The following RASSF3 variants were observed in gnomAD, a reference collection of about 807,000 sequenced individuals.
RASSF3 encodes the protein ras association domain-containing protein 3.
Under a neutral mutation model 19.9 loss-of-function variants are expected in RASSF3, and 19 were observed. That is an observed-to-expected ratio of 0.96 (90% CI 0.67 to 1.40). The LOEUF (loss-of-function observed/expected upper bound fraction) is 1.40, where lower values mean the gene tolerates loss of function less well. Among genes scored for constraint, RASSF3 ranks in the 40% most tolerant of loss-of-function variants. The pLI is 0.00. For synonymous variants in RASSF3, 110 were observed against 104.2 expected (o/e 1.06, Z -0.34); for missense variants, 306 against 289.8 (o/e 1.06, Z -0.41).
At position 64,555,926 on chromosome 12, in the gene RASSF3, T is replaced by C. The variant is rs149855338; in HGVS notation, c.294+14221T>C. ...AAAAAGTCTCCCCCTTAAAATAGAT[T>C]AATGAGGCTTCAGGATACACCTCTG... On this transcript the variant is annotated intron_variant, in intron 2 of 5. Coordinates refer to the RASSF3 transcript ENST00000637125. Among the ~76,000 whole-genome samples the C allele has an allele frequency of 5.6e-3, 857 of 152,072 alleles. 6 individuals are homozygous for C. Among genetic ancestry groups the C allele is most frequent in the Non-Finnish European group, 9.9e-3 (671 of 67,958 alleles).
chr12:64,647,293 G>C (rs2136187837), intron 1 of RASSF3, among the ~76,000 whole-genome samples: 1 of 152,048 alleles, frequency 6.6e-6, no homozygotes, highest in Non-Finnish European at 1.5e-5. Context: ...CTGTCACCAA[G>C]ACTGGAGTGC....
intron 1 of RASSF3, among the ~76,000 whole-genome samples, chr12:64,674,042 A>G (rs1872793129): frequency 6.6e-6 from 1 of 152,120 alleles, no homozygotes; most frequent in African/African-American, 2.4e-5. Context: ...AGCTCTTTTA[A>G]TGTGTATCAC....
At chr12:64,567,713 C>G (rs565672261) in intron 2 of RASSF3, among the ~76,000 whole-genome samples, 39 of 152,368 alleles carry the variant, frequency 2.6e-4, no homozygotes, top group African/African-American at 8.9e-4. Flanking sequence ...TGCTAACGTC[C>G]TGTTCCCTGA....
At chr12:64,652,214 T>A (rs1871981562) in intron 1 of RASSF3, among the ~76,000 whole-genome samples, 2 of 152,170 alleles carry the variant, frequency 1.3e-5, no homozygotes, top group Non-Finnish European at 1.5e-5. Context: ...ACATTGTAGT[T>A]TTACATTGCT....
At chr12:64,641,199 C>T (rs992799876) in intron 1 of RASSF3, among the ~76,000 whole-genome samples, 1 of 151,338 alleles carries the variant, frequency 6.6e-6, no homozygotes, top group East Asian at 2.0e-4. Context: ...AGTTGGAGAC[C>T]AGCCTGGGCA....
intron 3 of RASSF3, among the ~76,000 whole-genome samples, chr12:64,689,170 T>C (rs745743127): frequency 6.6e-6 from 1 of 151,714 alleles, no homozygotes; most frequent in Non-Finnish European, 1.5e-5. Flanking sequence ...ATTGATAACA[T>C]TGGTGGACAG....
At chr12:64,665,860 G>A (rs1410428313) in intron 1 of RASSF3, among the ~76,000 whole-genome samples, 1 of 152,198 alleles carries the variant, frequency 6.6e-6, no homozygotes, top group Non-Finnish European at 1.5e-5. Context: ...TTCCTGGGCT[G>A]AGCCCCAGTT....
chr12:64,544,428 G>A (rs372316014), downstream of RASSF3, among the ~76,000 whole-genome samples: 18 of 152,110 alleles, frequency 1.2e-4, no homozygotes, highest in African/African-American at 3.6e-4. Flanking sequence ...GGGAGGGTCC[G>A]CGGGTTCATT....
intron 2 of RASSF3, among the ~76,000 whole-genome samples, chr12:64,588,229 G>T (rs1219715694): frequency 6.6e-6 from 1 of 152,000 alleles, no homozygotes; most frequent in African/African-American, 2.4e-5. Context: ...TTTTGCTCTG[G>T]GGATGAATGA....
intron 1 of RASSF3, among the ~76,000 whole-genome samples, chr12:64,626,488 CAAAA>C (rs36122537): frequency 5.2e-5 from 4 of 76,840 alleles, no homozygotes. Flanking sequence ...ACTCTTGTCT[CAAAA>C]AAAAAAAAAA....
At chr12:64,680,615 T>A (rs2136215555) in intron 1 of RASSF3, among the ~76,000 whole-genome samples, 1 of 152,122 alleles carries the variant, frequency 6.6e-6, no homozygotes, top group Non-Finnish European at 1.5e-5. Flanking sequence ...TCTTTGTTTT[T>A]TTTTGTTTTT....
chr12:64,521,682 T>C (rs1337826027), intron 1 of RASSF3, among the ~76,000 whole-genome samples: 1 of 152,186 alleles, frequency 6.6e-6, no homozygotes, highest in African/African-American at 2.4e-5. Flanking sequence ...AGCTCCATCA[T>C]GCCCGTCAGT....
intron 1 of RASSF3, among the ~76,000 whole-genome samples, chr12:64,626,799 A>G (rs1408247726): frequency 3.9e-5 from 6 of 152,200 alleles, no homozygotes; most frequent in African/African-American, 1.4e-4. Context: ...TCCTGGGCTC[A>G]AGTGATCCTC....
At chr12:64,637,505 C>A (rs1046252486) in intron 1 of RASSF3, among the ~76,000 whole-genome samples, 3 of 150,518 alleles carry the variant, frequency 2.0e-5, no homozygotes, top group African/African-American at 7.3e-5. Context: ...TCTCGGCTCA[C>A]TGCAACCTCT....
intron 1 of RASSF3, among the ~76,000 whole-genome samples, chr12:64,507,671 T>C (rs1393498306): frequency 6.6e-6 from 1 of 152,178 alleles, no homozygotes; most frequent in African/African-American, 2.4e-5. Context: ...TTAACTTGTC[T>C]TAGTACTAAA....
At chr12:64,661,277 C>T (rs1270836) in intron 1 of RASSF3, among the ~76,000 whole-genome samples, 43,224 of 152,020 alleles carry the variant, frequency 0.28, 6,654 homozygotes, top group Non-Finnish European at 0.36. Flanking sequence ...GAGGCCAAGG[C>T]GGGAGGATCA....
chr12:64,672,307 C>T (rs1017537915), intron 1 of RASSF3, among the ~76,000 whole-genome samples: 50 of 152,192 alleles, frequency 3.3e-4, no homozygotes, highest in African/African-American at 1.2e-3. Flanking sequence ...CTCACTGGAA[C>T]CCCCGCCTCC....
intron 1 of RASSF3, among the ~76,000 whole-genome samples, chr12:64,644,103 G>A (rs1371118367): frequency 1.3e-5 from 2 of 152,050 alleles, no homozygotes. Context: ...CAGATGGAGT[G>A]GTATTTATAA....
intron 1 of RASSF3, among the ~76,000 whole-genome samples, chr12:64,527,114 T>C (rs1391685721): frequency 6.6e-6 from 1 of 152,210 alleles, no homozygotes; most frequent in Non-Finnish European, 1.5e-5. Flanking sequence ...AACCTGCAGT[T>C]TAACAAGTTA....
Sources: allele counts gnomAD v4.1 joint callset (sites outside exome capture counted in the v4.1 genomes callset), GRCh38; gene constraint gnomAD v4.1.1; transcripts MANE v1.5; gene names NCBI Gene and HGNC (gene_info 2026-07-23, HGNC 2026-07-21).